PLXNA2: variants seen among roughly 807,000 people sequenced by gnomAD.
The protein encoded by PLXNA2 is plexin A2.
In PLXNA2, 91 loss-of-function variants were observed where a neutral mutation model predicts 193.5. The observed-to-expected ratio is 0.47, with a 90% CI of 0.40 to 0.56. PLXNA2 has a LOEUF of 0.56. Ranked by LOEUF, PLXNA2 falls within the 20% of genes least tolerant of loss-of-function variation. The pLI, the probability that PLXNA2 is intolerant of heterozygous loss-of-function variation, is 0.00. For missense variants in PLXNA2, 1,995 were observed against 2,503.2 expected, an observed-to-expected ratio of 0.80 and a Z score of 4.33; for synonymous variants, 997 against 1,027.3, an observed-to-expected ratio of 0.97 and a Z score of 0.56.
chr1:208,087,143 T>C lies in PLXNA2; in HGVS notation c.2098-2563A>G, dbSNP rs547776967. On this transcript the variant is annotated intron_variant, in intron 9 of 31. Coordinates refer to ENST00000367033, the MANE Select transcript of PLXNA2 (RefSeq NM_025179.4). ...TGAGCTTAGACAACAAATTCAAATT[T>C]CAGTAGCAGGATCTTAAAGATGTGC... Among the ~76,000 whole-genome samples, 179 of 152,154 alleles carry C rather than the reference T, an allele frequency of 1.2e-3. 3 individuals carry two copies. Among genetic ancestry groups the C allele is most frequent in the Middle Eastern group, 3.4e-3 (1 of 294 alleles).
chr1:208,031,814 C>T (rs1664514050), intron 28 of PLXNA2, 55 bp from the exon 29 acceptor site: 1 of 1,418,228 alleles, frequency 7.1e-7, no homozygotes, highest in Non-Finnish European at 9.7e-7. Flanking sequence ...AGGTAGCAGA[C>T]AGGCATACCA....
chr1:208,088,785 G>GA (rs1558185857), intron 9 of PLXNA2, among the ~76,000 whole-genome samples: 1 of 152,238 alleles, frequency 6.6e-6, no homozygotes, highest in African/African-American at 2.4e-5. Flanking sequence ...AATGTGTGTT[G>GA]TAAGTGGTAA....
chr1:208,215,802 A>G (rs999703043), intron 2 of PLXNA2, among the ~76,000 whole-genome samples: 2 of 152,152 alleles, frequency 1.3e-5, no homozygotes, highest in African/African-American at 2.4e-5. Flanking sequence ...ATGGAAGAAG[A>G]GTGGATCATG....
intron 4 of PLXNA2, among the ~76,000 whole-genome samples, chr1:208,110,291 G>C (rs1393028100): frequency 6.6e-6 from 1 of 152,250 alleles, no homozygotes; most frequent in Non-Finnish European, 1.5e-5. Context: ...CAGCAGGAAA[G>C]AGCTGATGTC....
chr1:208,175,852 C>G lies in PLXNA2; in HGVS notation c.1372-33389G>C, dbSNP rs930331299. The stretch of plus-strand genomic sequence containing the variant: ...GCCAGAGAAAGAAGACAGGCTGGTT[C>G]AAACCATAGTTAAAAGATGCCTAGG... On this transcript the variant is annotated intron_variant, in intron 3 of 31. Coordinates refer to ENST00000367033, the MANE Select transcript of PLXNA2 (RefSeq NM_025179.4). 2.0e-5 allele frequency among the ~76,000 whole-genome samples: 3 copies of G among 152,168 alleles called. No homozygotes were observed. In the East Asian group the frequency reaches 5.8e-4, roughly 29 times the overall value.
At chr1:208,141,997 T>A (rs1668470073) in intron 4 of PLXNA2, among the ~76,000 whole-genome samples, 2 of 152,220 alleles carry the variant, frequency 1.3e-5, no homozygotes, top group African/African-American at 4.8e-5. Context: ...TTTGGCTCCC[T>A]TGAGCAGCAG....
intron 4 of PLXNA2, among the ~76,000 whole-genome samples, chr1:208,107,651 C>T (rs928740382): frequency 4.6e-5 from 7 of 152,158 alleles, no homozygotes; most frequent in South Asian, 2.1e-4. Flanking sequence ...CCGCGTCGGG[C>T]GCCCTCTGTC....
At chr1:208,133,225 G>A (rs1451082165) in intron 4 of PLXNA2, among the ~76,000 whole-genome samples, 1 of 152,142 alleles carries the variant, frequency 6.6e-6, no homozygotes, top group Non-Finnish European at 1.5e-5. Context: ...GCGTTTATGA[G>A]TTACTTTAAT....
chr1:208,037,088 C>A (rs1297510573), intron 26 of PLXNA2, among the ~76,000 whole-genome samples: 4 of 152,132 alleles, frequency 2.6e-5, no homozygotes, highest in Non-Finnish European at 4.4e-5. Flanking sequence ...ATGACAGCTA[C>A]CTTATCTGTA....
At chr1:208,077,794 C>G (rs773880267) in intron 12 of PLXNA2, among the ~76,000 whole-genome samples, 1 of 152,128 alleles carries the variant, frequency 6.6e-6, no homozygotes. Context: ...CATCCCTGGT[C>G]ACGATCAAGA....
At chr1:208,104,232 T>C (rs1431464631) in intron 4 of PLXNA2, among the ~76,000 whole-genome samples, 1 of 152,214 alleles carries the variant, frequency 6.6e-6, no homozygotes, top group Non-Finnish European at 1.5e-5. Flanking sequence ...GTTCTGCCTC[T>C]GGCAGGGGGA....
chr1:208,163,041 G>A (rs1438502505), intron 3 of PLXNA2, among the ~76,000 whole-genome samples: 2 of 152,230 alleles, frequency 1.3e-5, no homozygotes, highest in African/African-American at 4.8e-5. Context: ...TCATCAGGCA[G>A]AGAGAGGGAG....
intron 4 of PLXNA2, among the ~76,000 whole-genome samples, chr1:208,123,022 T>C (rs1385267649): frequency 6.6e-6 from 1 of 152,180 alleles, no homozygotes; most frequent in African/African-American, 2.4e-5. Flanking sequence ...CATTTCAGAA[T>C]ACTTTCATCA....
At chr1:208,129,741 T>G (rs1372895870) in intron 4 of PLXNA2, among the ~76,000 whole-genome samples, 1 of 152,206 alleles carries the variant, frequency 6.6e-6, no homozygotes, top group African/African-American at 2.4e-5. Flanking sequence ...CCCAGCACTC[T>G]GCATACTGTA....
intron 8 of PLXNA2, among the ~76,000 whole-genome samples, chr1:208,094,001 C>G (rs1199425278): frequency 6.6e-6 from 1 of 152,140 alleles, no homozygotes; most frequent in Non-Finnish European, 1.5e-5. Context: ...CAGGGGTCAC[C>G]GGCTCACAGG....
Position 208,038,498 on chromosome 1 carries a change from G to A in PLXNA2, c.4661-24C>T. On this transcript the variant is annotated intron_variant, in intron 25 of 31. Coordinates refer to ENST00000367033, the MANE Select transcript of PLXNA2 (RefSeq NM_025179.4). The surrounding 1 kb of genome is among the most constrained non-coding windows in gnomAD (Gnocchi z 4.1). ...CTCTGGGTGGAGGGGGTGGTGCAGG[G>A]AGCGGCGTGAGAGGGATGAGGGCTG... The A allele has an allele frequency of 2.5e-6, 4 of 1,571,362 alleles. No individual in the cohort carries two copies. The highest frequency in any genetic ancestry group is 2.2e-5 in the South Asian group (2 of 90,210).
intron 17 of PLXNA2, among the ~76,000 whole-genome samples, chr1:208,050,713 T>C (rs533435157): frequency 1.3e-5 from 2 of 151,994 alleles, no homozygotes; most frequent in South Asian, 2.1e-4. Context: ...CCTGTGGTCC[T>C]AGCTACTCAG....
chr1:208,068,305 T>A (rs1393362594), intron 12 of PLXNA2, among the ~76,000 whole-genome samples: 1 of 152,218 alleles, frequency 6.6e-6, no homozygotes, highest in Non-Finnish European at 1.5e-5. Context: ...AACTGTTGCT[T>A]GAGAGTGATG....
chr1:208,222,717 G>T (rs1408594865), intron 1 of PLXNA2, among the ~76,000 whole-genome samples: 2 of 152,202 alleles, frequency 1.3e-5, no homozygotes. Flanking sequence ...CCCTTTTCAG[G>T]AGATCTGGGT....
Sources: allele counts gnomAD v4.1 joint callset (sites outside exome capture counted in the v4.1 genomes callset), GRCh38; gene constraint gnomAD v4.1.1; non-coding constraint Gnocchi (gnomAD v3.1); transcripts MANE v1.5; gene names NCBI Gene and HGNC (gene_info 2026-07-23, HGNC 2026-07-21).